Variants in ST3GAL2 observed in about 807,000 individuals in gnomAD.
ST3GAL2 encodes the protein ST3 beta-galactoside alpha-2,3-sialyltransferase 2.
Under a neutral mutation model 37.5 loss-of-function variants are expected in ST3GAL2, and 16 were observed. The ratio of observed to expected loss-of-function variants is 0.43; its 90% CI spans 0.29 to 0.65. The LOEUF (loss-of-function observed/expected upper bound fraction) is 0.65, where lower values mean the gene tolerates loss of function less well. ST3GAL2 is among the 30% of genes least tolerant of loss of function. ST3GAL2 has a pLI of 0.17. For missense variants in ST3GAL2, 383 were observed against 487.8 expected (o/e 0.79, Z 2.02); for synonymous variants, 238 against 202.9 (o/e 1.17, Z -1.47).
At chr16:70,390,930 T>C in intron 3 of ST3GAL2, among the ~76,000 whole-genome samples, 1 of 152,198 alleles carries the variant, frequency 6.6e-6, no homozygotes, top group South Asian at 2.1e-4. Flanking sequence ...TGTGGAATCA[T>C]GACTACCAAA....
At chr16:70,408,194 A>G (rs933969987) in intron 1 of ST3GAL2, among the ~76,000 whole-genome samples, 1 of 152,148 alleles carries the variant, frequency 6.6e-6, no homozygotes, top group African/African-American at 2.4e-5. Flanking sequence ...GGAAGTGAAG[A>G]TGCTTTAACG....
Position 70,382,937 on chromosome 16 carries a change from G to A in ST3GAL2, c.760-13C>T. 6.2e-7 allele frequency: 1 copy of A among 1,611,744 alleles called. No individual in the cohort carries two copies. The highest frequency in any genetic ancestry group is 8.5e-7 in the Non-Finnish European group (1 of 1,178,928). Reference sequence around the variant, plus strand: ...TGTAGATCTGGACCTGGGAGGAGAAGGGATGACAGGTATATGAGGGGTTTA... The same window carrying A: ...TGTAGATCTGGACCTGGGAGGAGAAAGGATGACAGGTATATGAGGGGTTTA... On this transcript the variant is annotated splice_polypyrimidine_tract_variant and intron_variant, in intron 5 of 6. Transcript: ENST00000342907.
chr16:70,395,284 GCCTCTTT>G, intron 2 of ST3GAL2, 109 bp from the exon 3 acceptor site: 6 of 1,047,184 alleles, frequency 5.7e-6, no homozygotes, highest in Non-Finnish European at 8.2e-6. Context: ...CTGGGCACAG[GCCTCTTT>G]ATCCAGGGCT....
intron 1 of ST3GAL2, among the ~76,000 whole-genome samples, chr16:70,415,028 C>T (rs530452011): frequency 6.6e-6 from 1 of 152,270 alleles, no homozygotes; most frequent in East Asian, 1.9e-4. Flanking sequence ...CGTCCGCCAC[C>T]AAACCTGGCT....
At chr16:70,408,882 C>A (rs1157903192) in intron 1 of ST3GAL2, among the ~76,000 whole-genome samples, 1 of 47,294 alleles carries the variant, frequency 2.1e-5, no homozygotes, top group East Asian at 4.5e-4. Flanking sequence ...GGAGACAGCT[C>A]AAAGAAACAA....
chr16:70,418,949 G>A (rs944696357), intron 1 of ST3GAL2, among the ~76,000 whole-genome samples: 2 of 152,208 alleles, frequency 1.3e-5, no homozygotes, highest in Non-Finnish European at 2.9e-5. Flanking sequence ...ACAGCAGGAA[G>A]AGGAGACTCC....
intron 4 of ST3GAL2, among the ~76,000 whole-genome samples, chr16:70,384,692 C>T (rs1458998290): frequency 1.5e-4 from 18 of 118,832 alleles, no homozygotes; most frequent in Admixed American, 4.3e-4. Flanking sequence ...GGCGACAGAG[C>T]GAAACTCTGT....
rs757605200 is a variant in ST3GAL2 at position 70,398,462 on chromosome 16, G to C, written c.69C>G (p.Leu23=). 6.2e-7 allele frequency: 1 copy of C among 1,613,630 alleles called. No homozygotes were observed. The highest frequency in any genetic ancestry group is 1.1e-5 in the South Asian group (1 of 91,090). ...CCATGCTGTGGTGCGAGTAGGTGAA[G>C]AGCAGGGACATGATGAACACCAGCA... ...AFLLVFIMSL[L]FTYSHHSMAT... The change falls in exon 2 of 7, where the codon CTC becomes CTG. Residue 23 remains leucine (L), a synonymous_variant. Coordinates refer to ENST00000342907, the MANE Select transcript of ST3GAL2 (RefSeq NM_006927.4).
chr16:70,427,538 C>T (rs1167172284), intron 1 of ST3GAL2, among the ~76,000 whole-genome samples: 4 of 151,844 alleles, frequency 2.6e-5, no homozygotes, highest in Admixed American at 6.6e-5. Context: ...GGGGTTTCAC[C>T]GTGTTAGCCA....
intron 6 of ST3GAL2, among the ~76,000 whole-genome samples, 189 bp from the exon 7 acceptor site, chr16:70,382,051 CTTTT>C (rs11320527): frequency 3.1e-5 from 4 of 129,276 alleles, no homozygotes; most frequent in South Asian, 2.5e-4. Context: ...CAAATTCCTC[CTTTT>C]TTTTTTTTTT....
chr16:70,425,358 A>T (rs1248315606), intron 1 of ST3GAL2, among the ~76,000 whole-genome samples: 2 of 152,124 alleles, frequency 1.3e-5, no homozygotes, highest in Non-Finnish European at 2.9e-5. Flanking sequence ...GCTACTCAGG[A>T]GGCTGAGGCA....
chr16:70,397,029 G>T (rs1170246396), intron 2 of ST3GAL2, among the ~76,000 whole-genome samples: 1 of 133,424 alleles, frequency 7.5e-6, no homozygotes, highest in Non-Finnish European at 1.5e-5. Context: ...TCCCTGCACG[G>T]CTTTCTTTTC....
In ST3GAL2 at chr16:70,378,403, CAAA is replaced by C. The variant is rs59855741; in HGVS notation, c.*3283_*3285del. ...TGGGTGACAGAGCAAGACTCCATCTCAAAAAAAAAAAAAAAAAAAAGCCAGGCG... is the reference window on the plus strand; with the variant it reads ...TGGGTGACAGAGCAAGACTCCATCTCAAAAAAAAAAAAAAAAAGCCAGGCG... On this transcript the variant is annotated 3_prime_UTR_variant, in exon 7 of 7. Coordinates refer to ENST00000342907, the MANE Select transcript of ST3GAL2 (RefSeq NM_006927.4). 85 of 39,060 alleles carry C rather than the reference CAAA, an allele frequency of 2.2e-3. No individual in the cohort carries two copies. Among genetic ancestry groups the C allele is most frequent in the Middle Eastern group, 0.017 (1 of 60 alleles). 2.4% of individuals were successfully genotyped at this position (39,060 alleles called of 1,614,324 possible).
intron 1 of ST3GAL2, among the ~76,000 whole-genome samples, chr16:70,420,626 G>A (rs1037418256): frequency 6.6e-5 from 10 of 152,210 alleles, no homozygotes; most frequent in South Asian, 2.1e-4. Context: ...AACAGGGCAG[G>A]GTCCGAAAGC....
At chr16:70,383,661 A>G (rs2047422076) in intron 4 of ST3GAL2, among the ~76,000 whole-genome samples, 1 of 151,512 alleles carries the variant, frequency 6.6e-6, no homozygotes, top group Non-Finnish European at 1.5e-5. Context: ...GAAAGGAGAA[A>G]GGAAAGGAAG....
intron 2 of ST3GAL2, among the ~76,000 whole-genome samples, chr16:70,396,855 A>G (rs943190460): frequency 6.6e-6 from 1 of 152,138 alleles, no homozygotes; most frequent in Non-Finnish European, 1.5e-5. Flanking sequence ...GGGGCAAGGT[A>G]GAAGGAATTA....
rs1422627320 is a variant in ST3GAL2 at position 70,381,962 on chromosome 16, G to A, written c.880-100C>T. The A allele has an allele frequency of 9.4e-6, 14 of 1,494,856 alleles. No homozygotes were observed. In the Admixed American group the frequency reaches 1.1e-4, roughly 12 times the overall value. The allele number at this position is 1,494,856 out of a possible 1,614,324, so 92.6% of individuals were successfully genotyped here. ...GGGAGGAGAGGGGACGGGAGGCCCC[G>A]GGGAGATGCAGGAGCCCCCAGGCCT... On this transcript the variant is annotated intron_variant, in intron 6 of 6. Transcript: ENST00000342907.
chr16:70,428,197 C>T (rs1306431414), intron 1 of ST3GAL2, among the ~76,000 whole-genome samples: 2 of 152,260 alleles, frequency 1.3e-5, no homozygotes, highest in Non-Finnish European at 2.9e-5. Context: ...CCAGGTTTGT[C>T]CCCTCCCCCA....
intron 1 of ST3GAL2, among the ~76,000 whole-genome samples, chr16:70,434,548 A>G (rs957733586): frequency 6.6e-6 from 1 of 152,200 alleles, no homozygotes; most frequent in Non-Finnish European, 1.5e-5. Flanking sequence ...TGTGCATCAG[A>G]AAGACATGAG....
Sources: gnomAD v4.1 joint callset for allele counts (sites outside exome capture counted in the v4.1 genomes callset) on GRCh38, gnomAD v4.1.1 for gene constraint, MANE v1.5 for transcripts, NCBI Gene and HGNC (gene_info 2026-07-23, HGNC 2026-07-21) for gene names.